TCF7: variants seen among roughly 807,000 people sequenced by gnomAD.
The protein encoded by TCF7 is T-cell-factor-7.
Under a neutral mutation model 46.8 loss-of-function variants are expected in TCF7, and 19 were observed. The observed-to-expected ratio is 0.41, with a 90% CI of 0.28 to 0.60. The LOEUF (loss-of-function observed/expected upper bound fraction) is 0.60. TCF7 is among the 20% of genes least tolerant of loss of function. The pLI, the probability that TCF7 is intolerant of heterozygous loss-of-function variation, is 0.35. For missense variants in TCF7, 547 were observed against 504.6 expected, an observed-to-expected ratio of 1.08 and a Z score of -0.81; for synonymous variants, 245 against 213.4, an observed-to-expected ratio of 1.15 and a Z score of -1.29.
intron 3 of TCF7, among the ~76,000 whole-genome samples, chr5:134,128,339 C>T (rs1757630285): frequency 6.6e-6 from 1 of 152,140 alleles, no homozygotes; most frequent in African/African-American, 2.4e-5. Flanking sequence ...TTGGCACTGC[C>T]CAGCCTCCTC....
chr5:134,144,807 G>A (rs1213168288), intron 9 of TCF7: 18 of 1,614,170 alleles, frequency 1.1e-5, no homozygotes, highest in East Asian at 2.2e-5. Flanking sequence ...ACCCTGGCTC[G>A]CCTAAGAAAT....
intron 8 of TCF7, 128 bp from the exon 9 acceptor site, chr5:134,143,464 A>G: frequency 9.0e-7 from 1 of 1,111,152 alleles, no homozygotes; most frequent in East Asian, 2.4e-5. Flanking sequence ...ATCAAGAAAC[A>G]CCAGCACCCC....
chr5:134,140,866 GC>G, intron 5 of TCF7: 1 of 438,626 alleles, frequency 2.3e-6, no homozygotes, highest in Admixed American at 2.5e-5. Context: ...CCCCACTGCA[GC>G]CCCTGGCGCC....
intron 9 of TCF7, 139 bp downstream of exon 9, chr5:134,143,779 C>A: frequency 4.5e-6 from 4 of 894,970 alleles, no homozygotes; most frequent in South Asian, 1.6e-5. Context: ...ACAAGGCCTG[C>A]ATCTCACAAG....
intron 5 of TCF7, chr5:134,139,315 G>T: frequency 2.2e-6 from 1 of 461,716 alleles, no homozygotes. Context: ...GTGTCCAAGA[G>T]ATCCCCTTAG....
At chr5:134,110,231 T>C (rs1019024429), upstream of TCF7, among the ~76,000 whole-genome samples, 2 of 152,218 alleles carry the variant, frequency 1.3e-5, no homozygotes, top group Non-Finnish European at 2.9e-5. Flanking sequence ...TCAGGAAATA[T>C]GAACTGCCAA....
At chr5:134,144,075 T>A in intron 9 of TCF7, 1 of 174,170 alleles carries the variant, frequency 5.7e-6, no homozygotes, top group Admixed American at 5.6e-5. Context: ...GCCTGGCAAT[T>A]TATCACCCCC....
chr5:134,142,528 T>A (rs962117203), intron 6 of TCF7, among the ~76,000 whole-genome samples, 193 bp from the exon 7 acceptor site: 2 of 152,128 alleles, frequency 1.3e-5, no homozygotes, highest in Non-Finnish European at 2.9e-5. Context: ...TTTTCCCACT[T>A]GTCTGTAGTG....
chr5:134,116,201 T>C (rs1755818809), intron 3 of TCF7, 168 bp downstream of exon 3: 1 of 1,394,690 alleles, frequency 7.2e-7, no homozygotes. Context: ...AGAACTTTGC[T>C]GAAGGAAGGA....
chr5:134,122,254 C>T (rs995694605), intron 3 of TCF7, among the ~76,000 whole-genome samples: 2 of 152,058 alleles, frequency 1.3e-5, no homozygotes, highest in African/African-American at 4.8e-5. Context: ...GAATTTAGGG[C>T]GGTTTGCCCC....
chr5:134,123,806 G>A (rs781486757), intron 3 of TCF7: 3 of 456,232 alleles, frequency 6.6e-6, no homozygotes, highest in Admixed American at 4.7e-5. Context: ...GGACATGGCG[G>A]ACAAAGGCGG....
intron 3 of TCF7, among the ~76,000 whole-genome samples, chr5:134,130,436 G>A (rs758481808): frequency 2.6e-5 from 4 of 152,230 alleles, no homozygotes; most frequent in Non-Finnish European, 5.9e-5. Flanking sequence ...AGTGAGAACC[G>A]GAGGGGCTGT....
At chr5:134,122,842 A>C (rs1460041972) in intron 3 of TCF7, among the ~76,000 whole-genome samples, 1 of 152,196 alleles carries the variant, frequency 6.6e-6, no homozygotes, top group African/African-American at 2.4e-5. Flanking sequence ...CAGTGCACAG[A>C]TCCTCCTGCT....
chr5:134,146,486 G>A lies in TCF7; in HGVS notation c.*183G>A, dbSNP rs148491817. 1,199 of 758,154 alleles carry A rather than the reference G, an allele frequency of 1.6e-3. 16 individuals carry two copies. The highest frequency in any genetic ancestry group is 0.015 in the South Asian group (1,062 of 69,590). The allele number at this position is 758,154 out of a possible 1,614,324, so 47.0% of individuals were successfully genotyped here. Reference sequence around the variant, plus strand: ...CCGCAGCACCCTGCAGAGCACACAGGTACAGCAACAGGAATCTCAGAGACA... The same window carrying A: ...CCGCAGCACCCTGCAGAGCACACAGATACAGCAACAGGAATCTCAGAGACA... On this transcript the variant is annotated 3_prime_UTR_variant, in exon 10 of 10. Coordinates refer to ENST00000342854, the MANE Select transcript of TCF7 (RefSeq NM_003202.5).
chr5:134,125,647 T>G (rs561740661), intron 3 of TCF7, among the ~76,000 whole-genome samples: 1 of 152,206 alleles, frequency 6.6e-6, no homozygotes, highest in African/African-American at 2.4e-5. Flanking sequence ...AGGAACCTTA[T>G]TGGAAAGCTA....
chr5:134,131,132 T>C lies in TCF7; in HGVS notation c.442-6927T>C, dbSNP rs73283129. 6.9e-3 allele frequency among the ~76,000 whole-genome samples: 1,043 copies of C among 152,146 alleles called. 12 individuals carry two copies. Among genetic ancestry groups the C allele is most frequent in the African/African-American group, 0.024 (996 of 41,504 alleles). ...CTCCAAGCGGAGGGAATCATGGCCC[T>C]CAGAGCCAGTGATGTGGCTGGAGCA... On this transcript the variant is annotated intron_variant, in intron 3 of 9. Coordinates refer to ENST00000342854, the MANE Select transcript of TCF7 (RefSeq NM_003202.5).
intron 3 of TCF7, among the ~76,000 whole-genome samples, chr5:134,116,900 A>C (rs920393275): frequency 6.6e-6 from 1 of 152,212 alleles, no homozygotes; most frequent in African/African-American, 2.4e-5. Flanking sequence ...GACTGTGGTA[A>C]GTGAGTGTTG....
chr5:134,123,205 C>G (rs1756846090), intron 3 of TCF7, among the ~76,000 whole-genome samples: 1 of 152,198 alleles, frequency 6.6e-6, no homozygotes, highest in African/African-American at 2.4e-5. Flanking sequence ...GGGGCCTTGG[C>G]TGCACTTTCC....
intron 8 of TCF7, 72 bp from the exon 9 acceptor site, chr5:134,143,520 C>T: frequency 6.3e-7 from 1 of 1,592,130 alleles, no homozygotes; most frequent in Non-Finnish European, 8.6e-7. Context: ...GTTACCCAAG[C>T]TAGGCAGCAG....
Sources: allele counts gnomAD v4.1 joint callset (sites outside exome capture counted in the v4.1 genomes callset), GRCh38; gene constraint gnomAD v4.1.1; transcripts MANE v1.5; gene names NCBI Gene and HGNC (gene_info 2026-07-23, HGNC 2026-07-21).